FAM13A: variants seen among roughly 807,000 people sequenced by gnomAD.
FAM13A encodes the protein family with sequence similarity 13 member A, also known as protein FAM13A.
In FAM13A, 76 loss-of-function variants were observed where a neutral mutation model predicts 129.6. That is an observed-to-expected ratio of 0.59 (90% CI 0.49 to 0.71). The LOEUF (loss-of-function observed/expected upper bound fraction) is 0.71, where lower values mean the gene tolerates loss of function less well. FAM13A is among the 30% of genes least tolerant of loss of function. FAM13A has a pLI of 0.00. For synonymous variants in FAM13A, 443 were observed against 449.9 expected (o/e 0.98, Z 0.20); for missense variants, 1,108 against 1,249.3 (o/e 0.89, Z 1.70).
chr4:89,040,126 T>C (rs769446097), intron 1 of FAM13A, among the ~76,000 whole-genome samples: 1 of 152,152 alleles, frequency 6.6e-6, no homozygotes, highest in South Asian at 2.1e-4. Flanking sequence ...TCCTTATCCT[T>C]ATGAGGTGCA....
At chr4:89,041,405 T>C (rs13141671) in intron 1 of FAM13A, among the ~76,000 whole-genome samples, 10,000 of 152,224 alleles carry the variant, frequency 0.066, 455 homozygotes, top group South Asian at 0.14. Context: ...AATTAACCCA[T>C]TTATGCCGAA....
chr4:88,830,059 C>T (rs1196686343), intron 7 of FAM13A, among the ~76,000 whole-genome samples: 1 of 152,154 alleles, frequency 6.6e-6, no homozygotes, highest in Non-Finnish European at 1.5e-5. Context: ...CACAGTCTTA[C>T]ATAATGGCTG....
intron 6 of FAM13A, among the ~76,000 whole-genome samples, chr4:88,859,381 T>A (rs1173513265): frequency 1.3e-5 from 2 of 152,024 alleles, no homozygotes; most frequent in Non-Finnish European, 2.9e-5. Flanking sequence ...GAGGAGCTGA[T>A]CTTAGTCAGG....
intron 4 of FAM13A, among the ~76,000 whole-genome samples, chr4:88,954,847 C>T (rs1757498733): frequency 6.7e-6 from 1 of 149,646 alleles, no homozygotes; most frequent in African/African-American, 2.5e-5. Context: ...GATTGTGCCA[C>T]TGTACTCCAG....
intron 5 of FAM13A, among the ~76,000 whole-genome samples, chr4:88,915,924 C>A (rs1018595954): frequency 6.6e-6 from 1 of 152,152 alleles, no homozygotes; most frequent in Non-Finnish European, 1.5e-5. Context: ...CTCCCCTTCC[C>A]CTTTCCACCA....
intron 2 of FAM13A, among the ~76,000 whole-genome samples, chr4:89,023,217 C>A (rs545498758): frequency 1.1e-4 from 17 of 152,274 alleles, no homozygotes; most frequent in Admixed American, 1.0e-3. Flanking sequence ...TCTGTCTCCT[C>A]TACTATACAA....
chr4:88,825,233 G>C (rs1290808459), intron 7 of FAM13A, among the ~76,000 whole-genome samples: 1 of 148,344 alleles, frequency 6.7e-6, no homozygotes, highest in Non-Finnish European at 1.5e-5. Flanking sequence ...TTTTTGGGGG[G>C]GGGATGGAAT....
intron 10 of FAM13A, among the ~76,000 whole-genome samples, chr4:88,783,422 C>T (rs1169879410): frequency 1.3e-5 from 2 of 152,084 alleles, no homozygotes; most frequent in African/African-American, 4.8e-5. Context: ...GCCTCAGCCT[C>T]CTGAGTAGCT....
At position 88,749,015 on chromosome 4, in the gene FAM13A, C is replaced by T. The variant is rs753615270; in HGVS notation, c.2098G>A (p.Ala700Thr). 3 of 1,613,570 alleles carry T rather than the reference C, an allele frequency of 1.9e-6. No homozygotes were observed. Among genetic ancestry groups the T allele is most frequent in the South Asian group, 2.2e-5 (2 of 91,058 alleles). Reference protein sequence around the residue: ...KKYRPSHSDKAANPEVLKWTN... With the variant: ...KKYRPSHSDKTANPEVLKWTN... ...CATTTCAGAACCTCCGGATTGGCTGCTTTGTCACTGTGGGAAGGCTGAGAA... is the reference window on the plus strand; with the variant it reads ...CATTTCAGAACCTCCGGATTGGCTGTTTTGTCACTGTGGGAAGGCTGAGAA... The change falls in exon 17 of 24, where the codon GCA (alanine) becomes ACA (threonine). Residue 700 changes from alanine (A) to threonine (T), a missense_variant. Ala to Thr is a moderately conservative substitution (Grantham distance 58). This residue lies in a region of FAM13A where 529 missense variants were observed against 621.2 expected (regional missense o/e 0.85). Coordinates refer to ENST00000264344, the MANE Select transcript of FAM13A (RefSeq NM_014883.4).
chr4:88,834,875 G>C (rs573869205), intron 7 of FAM13A, among the ~76,000 whole-genome samples: 1 of 152,126 alleles, frequency 6.6e-6, no homozygotes, highest in Non-Finnish European at 1.5e-5. Flanking sequence ...CTGTCCATTA[G>C]TCTATTACCA....
At chr4:88,826,334 A>G (rs1277049384) in intron 7 of FAM13A, among the ~76,000 whole-genome samples, 4 of 146,772 alleles carry the variant, frequency 2.7e-5, no homozygotes, top group East Asian at 2.0e-4. Context: ...AAAAAAAACC[A>G]TTCCTGACCC....
chr4:88,777,913 C>T (rs1722096063), intron 11 of FAM13A, among the ~76,000 whole-genome samples: 1 of 152,160 alleles, frequency 6.6e-6, no homozygotes. Context: ...ATTCTCCTTC[C>T]TCTTTGAGTC....
intron 4 of FAM13A, among the ~76,000 whole-genome samples, chr4:88,941,018 G>A (rs987314): frequency 0.28 from 42,758 of 152,052 alleles, 7,059 homozygotes; most frequent in Middle Eastern, 0.42. Context: ...CTACTCAGCT[G>A]CAAACATGAG....
chr4:88,763,470 G>C (rs1264954295), intron 13 of FAM13A, among the ~76,000 whole-genome samples: 2 of 152,180 alleles, frequency 1.3e-5, no homozygotes, highest in Non-Finnish European at 2.9e-5. Flanking sequence ...GGGCAAATAT[G>C]AAGAGAGCTC....
At chr4:89,012,579 C>A (rs1224145203) in intron 3 of FAM13A, among the ~76,000 whole-genome samples, 1 of 152,148 alleles carries the variant, frequency 6.6e-6, no homozygotes, top group Non-Finnish European at 1.5e-5. Flanking sequence ...TCAGACACAT[C>A]CAAAGTGTAT....
At chr4:88,918,714 T>C (rs964086271) in intron 5 of FAM13A, among the ~76,000 whole-genome samples, 1 of 152,222 alleles carries the variant, frequency 6.6e-6, no homozygotes, top group Non-Finnish European at 1.5e-5. Context: ...AAGCCTTTAA[T>C]CATTATCAGG....
intron 3 of FAM13A, among the ~76,000 whole-genome samples, chr4:88,993,868 C>T (rs1303033147): frequency 6.6e-6 from 1 of 151,768 alleles, no homozygotes. Flanking sequence ...GGCATGGTGG[C>T]TAATCCCAGC....
intron 13 of FAM13A, 125 bp from the exon 14 acceptor site, chr4:88,759,026 A>C (rs1744275989): frequency 7.0e-6 from 7 of 996,914 alleles, no homozygotes; most frequent in Non-Finnish European, 1.0e-5. Flanking sequence ...CCAGCACAGA[A>C]ATAAAAATCA....
chr4:88,902,582 T>A (rs1478359615), intron 6 of FAM13A, among the ~76,000 whole-genome samples: 1 of 151,954 alleles, frequency 6.6e-6, no homozygotes, highest in Non-Finnish European at 1.5e-5. Context: ...AAACTTTGAA[T>A]AAACTAGGTA....
Sources: gnomAD v4.1 joint callset for allele counts (sites outside exome capture counted in the v4.1 genomes callset) on GRCh38, gnomAD v4.1.1 for gene constraint, gnomAD v4.1.1 regional missense constraint, MANE v1.5 for transcripts, NCBI Gene and HGNC (gene_info 2026-07-23, HGNC 2026-07-21) for gene names.